Variants in POLN observed in about 807,000 individuals in gnomAD.
The protein encoded by POLN is DNA polymerase nu, also known as DNA polymerase N.
Under a neutral mutation model 113.5 loss-of-function variants are expected in POLN, and 108 were observed. The ratio of observed to expected loss-of-function variants is 0.95; its 90% CI spans 0.81 to 1.12. POLN has a LOEUF of 1.12. Among genes scored for constraint, POLN ranks in the 50% most tolerant of loss-of-function variants. The probability of loss-of-function intolerance (pLI) is 0.00; values close to 1 mark genes in which losing one functional copy is unlikely to be tolerated. For missense variants in POLN, 1,097 were observed against 1,077.1 expected (o/e 1.02, Z -0.26); for synonymous variants, 386 against 391.5 (o/e 0.99, Z 0.17).
chr4:2,225,048 GACC>G (rs1734348724), intron 3 of POLN, among the ~76,000 whole-genome samples: 1 of 151,832 alleles, frequency 6.6e-6, no homozygotes, highest in Non-Finnish European at 1.5e-5. Context: ...AATCTTATGG[GACC>G]ACCAACATAT....
Position 2,242,110 on chromosome 4 carries a change from G to T in POLN, c.-343C>A. On this transcript the variant is annotated 5_prime_UTR_variant, in exon 1 of 26. Transcript: ENST00000511885. ...GCCGCCACCGCCCTCCGTGCCCCGCGCGCCTCGCACTGCCTCACGGGAGCG... is the reference window on the plus strand; with the variant it reads ...GCCGCCACCGCCCTCCGTGCCCCGCTCGCCTCGCACTGCCTCACGGGAGCG... 2 of 985,908 alleles carry T rather than the reference G, an allele frequency of 2.0e-6. No individual in the cohort carries two copies. The highest frequency in any genetic ancestry group is 2.4e-6 in the Non-Finnish European group (2 of 830,264). 61.1% of individuals were successfully genotyped at this position (985,908 alleles called of 1,614,324 possible). A position where few individuals can be genotyped will look rare whatever the true frequency, so the allele number is the denominator to read the frequency against.
At chr4:2,074,049 T>C (rs888693693) in intron 24 of POLN, among the ~76,000 whole-genome samples, 13 of 152,224 alleles carry the variant, frequency 8.5e-5, no homozygotes, top group South Asian at 6.2e-4. Flanking sequence ...AGCTGGACCA[T>C]TGGCTCCTCA....
At position 2,126,292 on chromosome 4, in the gene POLN, C is replaced by T. The variant is rs910106240; in HGVS notation, c.1982+1821G>A. 2.6e-5 allele frequency among the ~76,000 whole-genome samples: 4 copies of T among 152,228 alleles called. No homozygotes were observed. The highest frequency in any genetic ancestry group is 4.8e-5 in the African/African-American group (2 of 41,446). The stretch of plus-strand genomic sequence containing the variant: ...AGAGTAACATTCTCAATCCTCTGCT[C>T]CCCGTATATAAAATATTTCTTCCTG... On this transcript the variant is annotated intron_variant, in intron 19 of 25. Coordinates refer to ENST00000511885, the MANE Select transcript of POLN (RefSeq NM_181808.4). This position sits in a 1 kb window ranked among gnomAD's most constrained non-coding sequence, Gnocchi z 4.6.
chr4:2,221,871 G>A (rs1734261238), intron 3 of POLN, among the ~76,000 whole-genome samples: 1 of 152,096 alleles, frequency 6.6e-6, no homozygotes, highest in Non-Finnish European at 1.5e-5. Flanking sequence ...TATCGCACCT[G>A]GCCCCTCTTA....
At chr4:2,156,278 T>C (rs1056112801) in intron 16 of POLN, 1 of 350,208 alleles carries the variant, frequency 2.9e-6, no homozygotes. Context: ...GAGAAATTAA[T>C]CATGAGTCTT....
At chr4:2,092,700 C>T (rs989597539) in intron 20 of POLN, among the ~76,000 whole-genome samples, 1 of 152,308 alleles carries the variant, frequency 6.6e-6, no homozygotes, top group African/African-American at 2.4e-5. Context: ...CATGCCTTGC[C>T]CCATGCCCTC....
chr4:2,159,783 C>T (rs569832516), intron 13 of POLN, among the ~76,000 whole-genome samples: 3 of 152,248 alleles, frequency 2.0e-5, no homozygotes, highest in Admixed American at 2.0e-4. Flanking sequence ...TGTCGTTGGT[C>T]CAATATCATT....
chr4:2,081,770 G>A (rs1560970706), intron 21 of POLN, 27 bp from the exon 22 acceptor site: 1 of 1,601,100 alleles, frequency 6.2e-7, no homozygotes, highest in Non-Finnish European at 8.6e-7. Flanking sequence ...AAAAGTAGAT[G>A]AGGGACAGAA....
intron 16 of POLN, among the ~76,000 whole-genome samples, chr4:2,131,505 C>T (rs1235403478): frequency 6.6e-6 from 1 of 152,168 alleles, no homozygotes; most frequent in East Asian, 1.9e-4. Flanking sequence ...GAGAACAATT[C>T]CTTTTGACTC....
intron 18 of POLN, among the ~76,000 whole-genome samples, chr4:2,128,581 G>A (rs1731642659): frequency 6.6e-6 from 1 of 152,218 alleles, no homozygotes; most frequent in Non-Finnish European, 1.5e-5. Context: ...AAGAGGAATG[G>A]CCTGGGCAAG....
intron 19 of POLN, among the ~76,000 whole-genome samples, chr4:2,104,707 C>T (rs1367798944): frequency 6.6e-6 from 1 of 152,220 alleles, no homozygotes. Context: ...CAAGTGGCAT[C>T]TCCCTCTTAT....
chr4:2,193,228 C>T lies in POLN; in HGVS notation c.997G>A (p.Gly333Ser), dbSNP rs1318666752. 1 of 1,606,510 alleles carries T rather than the reference C, an allele frequency of 6.2e-7. No individual in the cohort carries two copies. Among genetic ancestry groups the T allele is most frequent in the Non-Finnish European group, 8.5e-7 (1 of 1,176,384 alleles). Reference protein sequence around the residue: ...DFVRIVLQFFGNDGSWKHVAD... With the variant: ...DFVRIVLQFFSNDGSWKHVAD... Reference sequence around the variant, plus strand: ...CCATGCTTCCAACTGCCATCATTGCCAAAAAACTGCAGCACTATTCTCACA... The same window carrying T: ...CCATGCTTCCAACTGCCATCATTGCTAAAAAACTGCAGCACTATTCTCACA... Residue 333 changes from glycine to serine, a missense_variant, in exon 7 of 26, where the codon GGC (glycine) becomes AGC (serine). Coordinates refer to ENST00000511885, the MANE Select transcript of POLN (RefSeq NM_181808.4).
intron 13 of POLN, among the ~76,000 whole-genome samples, chr4:2,162,705 C>T (rs1732629726): frequency 6.6e-6 from 1 of 152,126 alleles, no homozygotes; most frequent in African/African-American, 2.4e-5. Flanking sequence ...AATCCTCCTG[C>T]CTTGGCCTCC....
Position 2,103,612 on chromosome 4 carries a change from C to T in POLN, c.1983-7679G>A, listed in dbSNP as rs35579014. On this transcript the variant is annotated intron_variant, in intron 19 of 25. Transcript: ENST00000511885. The stretch of plus-strand genomic sequence containing the variant: ...CAAATACAGGAGGCTCAGCAATCCC[C>T]GGGAAAATACAATGTGAAAAGGACT... Among the ~76,000 whole-genome samples the T allele has an allele frequency of 2.1e-3, 319 of 152,198 alleles. 1 individual carries two copies. The highest frequency in any genetic ancestry group is 3.4e-3 in the Middle Eastern group (1 of 294).
intron 5 of POLN, 135 bp from the exon 6 acceptor site, chr4:2,198,852 A>G (rs755138274): frequency 2.2e-5 from 20 of 894,710 alleles, no homozygotes; most frequent in Non-Finnish European, 3.1e-5. Flanking sequence ...TTTAATGACA[A>G]TTGAGGGCCA....
At chr4:2,078,486 TTTG>T in intron 23 of POLN, 1 of 765,238 alleles carries the variant, frequency 1.3e-6, no homozygotes, top group Non-Finnish European at 1.6e-6. Context: ...TTTTTTTTTT[TTTG>T]TTAGACAGAC....
chr4:2,222,512 C>G (rs560086185), intron 3 of POLN, among the ~76,000 whole-genome samples: 43 of 152,098 alleles, frequency 2.8e-4, no homozygotes, highest in African/African-American at 9.9e-4. Context: ...CTAGGTATCA[C>G]CAAAAAACAA....
intron 16 of POLN, among the ~76,000 whole-genome samples, chr4:2,155,534 C>T (rs1409449110): frequency 6.6e-6 from 1 of 152,176 alleles, no homozygotes; most frequent in African/African-American, 2.4e-5. Flanking sequence ...TATGCAAATG[C>T]CTGGGTGAAG....
intron 16 of POLN, among the ~76,000 whole-genome samples, chr4:2,155,699 C>T: frequency 6.6e-6 from 1 of 152,020 alleles, no homozygotes; most frequent in South Asian, 2.1e-4. Context: ...TTAGTGTGTA[C>T]TTAAATAATT....
Sources: gnomAD v4.1 joint callset for allele counts (sites outside exome capture counted in the v4.1 genomes callset) on GRCh38, gnomAD v4.1.1 for gene constraint, Gnocchi (gnomAD v3.1) non-coding constraint, MANE v1.5 for transcripts, NCBI Gene and HGNC (gene_info 2026-07-23, HGNC 2026-07-21) for gene names.